DIP2C: variants seen among roughly 807,000 people sequenced by gnomAD.
The protein encoded by DIP2C is disco-interacting protein 2 homolog C.
In DIP2C, 33 loss-of-function variants were observed where a neutral mutation model predicts 192.4. The observed-to-expected ratio is 0.17, with a 90% CI of 0.13 to 0.23. The LOEUF (loss-of-function observed/expected upper bound fraction) is 0.23, where lower values mean the gene tolerates loss of function less well. Among genes scored for constraint, DIP2C ranks in the 10% least tolerant of loss-of-function variants. DIP2C has a pLI of 1.00. For missense variants in DIP2C, 1,537 were observed against 2,110.1 expected, an observed-to-expected ratio of 0.73 and a Z score of 5.32; for synonymous variants, 979 against 864.1, an observed-to-expected ratio of 1.13 and a Z score of -2.33.
intron 1 of DIP2C, among the ~76,000 whole-genome samples, chr10:598,762 A>G (rs1219003397): frequency 6.6e-6 from 1 of 152,246 alleles, no homozygotes; most frequent in East Asian, 1.9e-4. Flanking sequence ...AATCTTTGGC[A>G]TCTGAATGTG....
At chr10:521,543 C>CT (rs986430425) in intron 1 of DIP2C, among the ~76,000 whole-genome samples, 1 of 152,218 alleles carries the variant, frequency 6.6e-6, no homozygotes, top group African/African-American at 2.4e-5. Flanking sequence ...ATGAGCATCA[C>CT]TGCACCTGTA....
rs573661957 is a variant in DIP2C at position 564,765 on chromosome 10, C to T, written c.86-78235G>A. 2.0e-3 allele frequency among the ~76,000 whole-genome samples: 298 copies of T among 152,224 alleles called. 1 individual carries two copies. Among genetic ancestry groups the T allele is most frequent in the Middle Eastern group, 0.01 (3 of 294 alleles). ...CTGCACAGAACTCAGCCTACTCGGC[C>T]GAACACACCAGCCACCTCCACCCAG... On this transcript the variant is annotated intron_variant, in intron 1 of 36. Transcript: ENST00000280886.
At chr10:618,646 A>T (rs2131822316) in intron 1 of DIP2C, among the ~76,000 whole-genome samples, 1 of 152,374 alleles carries the variant, frequency 6.6e-6, no homozygotes, top group African/African-American at 2.4e-5. Context: ...GTTTGCTTTT[A>T]TGCAACAAAG....
At position 277,555 on chromosome 10, in the gene DIP2C, A is replaced by G; in HGVS notation, c.4441T>C (p.Leu1481=). 1.2e-6 allele frequency: 2 copies of G among 1,614,076 alleles called. No homozygotes were observed. The highest frequency in any genetic ancestry group is 1.7e-6 in the Non-Finnish European group (2 of 1,180,040). The change falls in exon 37 of 37, where the codon TTG becomes CTG. Residue 1481 remains leucine (L), a synonymous_variant. Coordinates refer to ENST00000280886, the MANE Select transcript of DIP2C (RefSeq NM_014974.3). ...TECAVFTWTN[L]LVVVVELDGS... ...TCCAGCTCAACCACAACCACCAACA[A>G]ATTTGTCCAGGTAAACACAGCACTA...
At chr10:457,794 T>G (rs1419815186) in intron 3 of DIP2C, among the ~76,000 whole-genome samples, 1 of 152,058 alleles carries the variant, frequency 6.6e-6, no homozygotes, top group Non-Finnish European at 1.5e-5. Flanking sequence ...GTCTTCAAGC[T>G]CTCCTCCACC....
At chr10:547,889 C>G (rs1848369444) in intron 1 of DIP2C, among the ~76,000 whole-genome samples, 1 of 152,194 alleles carries the variant, frequency 6.6e-6, no homozygotes, top group Non-Finnish European at 1.5e-5. Context: ...GAGCCCACAC[C>G]ACCCCACCCG....
rs143785747 is a variant in DIP2C, at chr10:680,564, C to T, written c.85+8930G>A. Among the ~76,000 whole-genome samples the T allele has an allele frequency of 4.7e-3, 710 of 152,302 alleles. 6 individuals are homozygous for T. Among genetic ancestry groups the T allele is most frequent in the South Asian group, 0.011 (52 of 4,820 alleles). On this transcript the variant is annotated intron_variant, in intron 1 of 36. Coordinates refer to ENST00000280886, the MANE Select transcript of DIP2C (RefSeq NM_014974.3). ...TGAATCTCCCAGCAAAGCCCAGTGA[C>T]GTTTCTGTTTTCATTTCAGGTAAAC...
intron 3 of DIP2C, among the ~76,000 whole-genome samples, chr10:447,262 C>G (rs1312623304): frequency 6.7e-6 from 1 of 149,128 alleles, no homozygotes; most frequent in African/African-American, 2.5e-5. Context: ...CAGTAGGACC[C>G]AATCACCCCC....
rs746223411 is a variant in DIP2C at position 408,939 on chromosome 10, C to T, written c.1136G>A (p.Arg379Gln). The change falls in exon 9 of 37, where the codon CGG (arginine) becomes CAG (glutamine). Residue 379 changes from arginine to glutamine, a missense_variant. Coordinates refer to ENST00000280886, the MANE Select transcript of DIP2C (RefSeq NM_014974.3). ...AGTTGCACTTACCCTATCTCCAGGC[C>T]GGACCATGGGTTCCTGCTTTGTGCC... ...KLGTKQEPMV[R>Q]PGDRVALVFP... The T allele has an allele frequency of 1.5e-5, 24 of 1,614,154 alleles. No homozygotes were observed. Among genetic ancestry groups the T allele is most frequent in the Non-Finnish European group, 1.4e-5 (17 of 1,180,028 alleles).
At chr10:378,065 T>C (rs1376351636) in intron 17 of DIP2C, among the ~76,000 whole-genome samples, 1 of 152,098 alleles carries the variant, frequency 6.6e-6, no homozygotes, top group East Asian at 1.9e-4. Flanking sequence ...CAGGAAACAG[T>C]TTCCTGGTTT....
At chr10:428,072 T>C (rs1038207863) in intron 4 of DIP2C, among the ~76,000 whole-genome samples, 1 of 152,044 alleles carries the variant, frequency 6.6e-6, no homozygotes, top group East Asian at 1.9e-4. Context: ...AATTCAACAA[T>C]AAGAAGGAAT....
intron 2 of DIP2C, among the ~76,000 whole-genome samples, chr10:484,320 C>T (rs1358719788): frequency 6.6e-6 from 1 of 152,198 alleles, no homozygotes; most frequent in African/African-American, 2.4e-5. Flanking sequence ...TGATTAACTG[C>T]TTTTTCTATT....
chr10:423,855 A>G (rs180977915), intron 4 of DIP2C, among the ~76,000 whole-genome samples: 8 of 152,324 alleles, frequency 5.3e-5, no homozygotes, highest in Admixed American at 2.0e-4. Context: ...GGCACACGAC[A>G]AACCTTCATC....
chr10:613,070 G>A (rs993792876), intron 1 of DIP2C, among the ~76,000 whole-genome samples: 2 of 152,194 alleles, frequency 1.3e-5, no homozygotes, highest in Admixed American at 6.5e-5. Context: ...AGGACAGCAT[G>A]GCCCAAGGTC....
Position 674,789 on chromosome 10 carries a change from T to TATATATATATATATAG in DIP2C, c.85+14704_85+14705insCTATATATATATATAT. 2.4e-3 allele frequency among the ~76,000 whole-genome samples: 147 copies of TATATATATATATATAG among 62,456 alleles called. 1 individual carries two copies. Among genetic ancestry groups the TATATATATATATATAG allele is most frequent in the African/African-American group, 4.6e-3 (51 of 11,052 alleles). 41.0% of individuals were successfully genotyped at this position (62,456 alleles called of 152,430 possible). ...CATCTCAAATATATATATATATATA[T>TATATATATATATATAG]AGAGAGAGAGAGAGAGAGAGAGAGA... On this transcript the variant is annotated intron_variant, in intron 1 of 36. Coordinates refer to ENST00000280886, the MANE Select transcript of DIP2C (RefSeq NM_014974.3).
At chr10:351,674 A>G (rs1337684273) in intron 24 of DIP2C, among the ~76,000 whole-genome samples, 1 of 152,240 alleles carries the variant, frequency 6.6e-6, no homozygotes, top group East Asian at 1.9e-4. Context: ...AGATGGGCAG[A>G]GACAACAAGG....
intron 31 of DIP2C, among the ~76,000 whole-genome samples, chr10:321,577 G>C (rs959640581): frequency 8.8e-5 from 11 of 124,438 alleles, no homozygotes; most frequent in Admixed American, 3.3e-4. Context: ...TCAGTCGGGG[G>C]TGCGGGGCTC....
At chr10:476,566 A>G (rs1300905730) in intron 2 of DIP2C, among the ~76,000 whole-genome samples, 1 of 152,210 alleles carries the variant, frequency 6.6e-6, no homozygotes, top group Non-Finnish European at 1.5e-5. Flanking sequence ...GAAGTGATCC[A>G]TGAGTGCGAG....
At chr10:397,295 C>T (rs1964063187) in intron 10 of DIP2C, among the ~76,000 whole-genome samples, 2 of 152,066 alleles carry the variant, frequency 1.3e-5, no homozygotes, top group East Asian at 1.9e-4. Context: ...TGTGGGAGGC[C>T]GAGGTGGGCA....
Sources: gnomAD v4.1 joint callset for allele counts (sites outside exome capture counted in the v4.1 genomes callset) on GRCh38, gnomAD v4.1.1 for gene constraint, MANE v1.5 for transcripts, NCBI Gene and HGNC (gene_info 2026-07-23, HGNC 2026-07-21) for gene names.